KCNIP1: variants seen among roughly 807,000 people sequenced by gnomAD.
KCNIP1 encodes A-type potassium channel modulatory protein KCNIP1.
KCNIP1 carries 18 observed loss-of-function variants against 33.0 expected under a neutral mutation model. The ratio of observed to expected loss-of-function variants is 0.55; its 90% CI spans 0.38 to 0.81. The LOEUF (loss-of-function observed/expected upper bound fraction) is 0.81. KCNIP1 is among the 30% of genes least tolerant of loss of function. The pLI, the probability that KCNIP1 is intolerant of heterozygous loss-of-function variation, is 0.00. For missense variants in KCNIP1, 238 were observed against 271.6 expected (o/e 0.88, Z 0.87); for synonymous variants, 93 against 98.3 (o/e 0.95, Z 0.32).
At chr5:170,682,505 G>A (rs892034030) in intron 1 of KCNIP1, among the ~76,000 whole-genome samples, 3 of 152,184 alleles carry the variant, frequency 2.0e-5, no homozygotes, top group African/African-American at 7.2e-5. Flanking sequence ...GCTTCCCTGA[G>A]ATTTTGAAAG....
At chr5:170,727,465 C>T (rs1293142386) in intron 5 of KCNIP1, among the ~76,000 whole-genome samples, 1 of 151,944 alleles carries the variant, frequency 6.6e-6, no homozygotes, top group Non-Finnish European at 1.5e-5. Context: ...AATTATGCTC[C>T]AATAAATTTG....
rs140488735 is a variant in KCNIP1, at chr5:170,415,757, C to T, written c.88+61793C>T. ...CAGGAGTTTTTTCTATTTTGATTAT[C>T]TCTCTATCCCTGGGGCCCAGAAGTC... On this transcript the variant is annotated intron_variant, in intron 1 of 7. Coordinates refer to the KCNIP1 transcript ENST00000377360. 1.2e-3 allele frequency among the ~76,000 whole-genome samples: 187 copies of T among 152,286 alleles called. 1 individual carries two copies. Among genetic ancestry groups the T allele is most frequent in the African/African-American group, 4.0e-3 (165 of 41,572 alleles).
chr5:170,538,279 G>A (rs771039035), intron 1 of KCNIP1, among the ~76,000 whole-genome samples: 6 of 152,170 alleles, frequency 3.9e-5, no homozygotes, highest in East Asian at 1.9e-4. Context: ...ACATGCCATC[G>A]GAAAGCTGGG....
chr5:170,689,090 G>A (rs1301391687), intron 1 of KCNIP1, among the ~76,000 whole-genome samples: 1 of 152,194 alleles, frequency 6.6e-6, no homozygotes, highest in African/African-American at 2.4e-5. Flanking sequence ...CTGAAGATTA[G>A]GGGAATCAAG....
intron 1 of KCNIP1, among the ~76,000 whole-genome samples, chr5:170,633,184 G>A (rs1249356553): frequency 6.6e-6 from 1 of 152,098 alleles, no homozygotes; most frequent in Non-Finnish European, 1.5e-5. Context: ...GCGGTGTGGG[G>A]CGCCACCTGG....
chr5:170,461,525 C>T (rs553381929), intron 1 of KCNIP1, among the ~76,000 whole-genome samples: 34 of 152,010 alleles, frequency 2.2e-4, no homozygotes, highest in African/African-American at 5.6e-4. Flanking sequence ...CCGAGGCAGG[C>T]GGATCACAAA....
intron 1 of KCNIP1, among the ~76,000 whole-genome samples, chr5:170,611,932 A>G (rs870109): frequency 6.6e-6 from 1 of 152,014 alleles, no homozygotes; most frequent in African/African-American, 2.4e-5. Context: ...ACTGAACACG[A>G]GCCAGGCACT....
chr5:170,723,211 T>C (rs1309829110), intron 5 of KCNIP1, among the ~76,000 whole-genome samples: 1 of 152,160 alleles, frequency 6.6e-6, no homozygotes, highest in East Asian at 1.9e-4. Flanking sequence ...AAAAGAAAGA[T>C]TTTTAAGGAA....
intron 1 of KCNIP1, among the ~76,000 whole-genome samples, chr5:170,685,413 C>A (rs1762505928): frequency 6.7e-6 from 1 of 148,970 alleles, no homozygotes; most frequent in Non-Finnish European, 1.5e-5. Flanking sequence ...AGAGTCTCTT[C>A]TAAAATCCAG....
At chr5:170,438,335 T>C (rs1755910724) in intron 1 of KCNIP1, among the ~76,000 whole-genome samples, 2 of 152,310 alleles carry the variant, frequency 1.3e-5, no homozygotes, top group Middle Eastern at 6.8e-3. Context: ...GGGCCCACTC[T>C]GGGCTTGAAA....
chr5:170,653,626 G>A (rs551648889), intron 1 of KCNIP1, among the ~76,000 whole-genome samples: 2 of 152,154 alleles, frequency 1.3e-5, no homozygotes, highest in South Asian at 4.2e-4. Flanking sequence ...TGGCAAGAGG[G>A]CCTCACGTGG....
chr5:170,697,323 C>T (rs60700160), intron 1 of KCNIP1, among the ~76,000 whole-genome samples: 1,784 of 152,336 alleles, frequency 0.012, 31 homozygotes, highest in African/African-American at 0.04. Context: ...TGCACCAAAT[C>T]ATAAGATCTG....
chr5:170,506,711 A>T (rs1225140975), intron 1 of KCNIP1, among the ~76,000 whole-genome samples: 1 of 152,196 alleles, frequency 6.6e-6, no homozygotes, highest in African/African-American at 2.4e-5. Context: ...TAACCCTCAC[A>T]ACAATGTTCG....
At chr5:170,707,600 A>T (rs1763302788) in intron 1 of KCNIP1, among the ~76,000 whole-genome samples, 1 of 152,192 alleles carries the variant, frequency 6.6e-6, no homozygotes, top group Admixed American at 6.5e-5. Context: ...TGCTCCTGAG[A>T]ATCTGTAAGG....
chr5:170,662,194 C>G (rs1489127262), intron 1 of KCNIP1, among the ~76,000 whole-genome samples: 1 of 152,196 alleles, frequency 6.6e-6, no homozygotes, highest in Non-Finnish European at 1.5e-5. Context: ...TTCTGCTGGG[C>G]ATGGATATTT....
intron 1 of KCNIP1, among the ~76,000 whole-genome samples, chr5:170,717,699 C>T (rs1266442870): frequency 6.6e-6 from 1 of 152,162 alleles, no homozygotes; most frequent in Non-Finnish European, 1.5e-5. Context: ...TTTAATACAC[C>T]TGCTCACCTG....
At chr5:170,456,844 G>T (rs188859160) in intron 1 of KCNIP1, among the ~76,000 whole-genome samples, 2 of 151,854 alleles carry the variant, frequency 1.3e-5, no homozygotes, top group East Asian at 3.9e-4. Flanking sequence ...TCAGACTCTC[G>T]AGTAGCTGGA....
Position 170,654,281 on chromosome 5 carries a change from C to A in KCNIP1, c.62-64477C>A, listed in dbSNP as rs527554159. On this transcript the variant is annotated intron_variant, in intron 1 of 7. Coordinates refer to ENST00000328939, the MANE Select transcript of KCNIP1 (RefSeq NM_014592.4). ...CCACATATTGAGCATTGCTGAGCAC[C>A]TATTCTGTGCCAGGCACTGTGCTTC... is the stretch of plus-strand genomic sequence containing the variant. Among the ~76,000 whole-genome samples, 11 of 152,316 alleles carry A rather than the reference C, an allele frequency of 7.2e-5. No individual in the cohort carries two copies. The South Asian group carries it at 2.3e-3, about 32-fold the overall frequency.
chr5:170,379,077 T>A, intron 1 of KCNIP1: 3 of 1,361,112 alleles, frequency 2.2e-6, no homozygotes. Context: ...GTCGGGCCCC[T>A]GGATTGGAGT....
Sources: gnomAD v4.1 joint callset for allele counts (sites outside exome capture counted in the v4.1 genomes callset) on GRCh38, gnomAD v4.1.1 for gene constraint, MANE v1.5 for transcripts, NCBI Gene and HGNC (gene_info 2026-07-23, HGNC 2026-07-21) for gene names.